Variants in BCHE observed in about 807,000 individuals in gnomAD.
The protein encoded by BCHE is cholinesterase.
Under a neutral mutation model 51.3 loss-of-function variants are expected in BCHE, and 48 were observed. That is an observed-to-expected ratio of 0.94 (90% CI 0.74 to 1.19). The LOEUF is 1.19. Ranked by LOEUF, BCHE falls within the 50% of genes most tolerant of loss-of-function variation. The pLI is 0.00. For synonymous variants in BCHE, 251 were observed against 238.0 expected, an observed-to-expected ratio of 1.05 and a Z score of -0.50; for missense variants, 847 against 708.2, an observed-to-expected ratio of 1.20 and a Z score of -2.23.
intron 2 of BCHE, among the ~76,000 whole-genome samples, chr3:165,820,675 C>A (rs1714482852): frequency 6.6e-6 from 1 of 151,930 alleles, no homozygotes; most frequent in African/African-American, 2.4e-5. Context: ...GAACTATTAT[C>A]TGTCGGAAAA....
chr3:165,791,646 T>G (rs1713169820), intron 2 of BCHE, among the ~76,000 whole-genome samples: 1 of 152,094 alleles, frequency 6.6e-6, no homozygotes, highest in Non-Finnish European at 1.5e-5. Flanking sequence ...AAGAGCACGT[T>G]TGGAATGCAA....
intron 2 of BCHE, among the ~76,000 whole-genome samples, chr3:165,813,441 T>C (rs1198022636): frequency 6.6e-6 from 1 of 151,714 alleles, no homozygotes; most frequent in Non-Finnish European, 1.5e-5. Flanking sequence ...TATGTGTCTA[T>C]ATCTAAAGTA....
At chr3:165,825,530 T>C (rs1198112456) in intron 2 of BCHE, among the ~76,000 whole-genome samples, 1 of 152,118 alleles carries the variant, frequency 6.6e-6, no homozygotes, top group African/African-American at 2.4e-5. Context: ...GGAGAAAATA[T>C]TGAAAATACA....
intron 3 of BCHE, among the ~76,000 whole-genome samples, chr3:165,783,207 A>G (rs558681947): frequency 3.5e-4 from 53 of 152,260 alleles, no homozygotes; most frequent in African/African-American, 1.3e-3. Flanking sequence ...TAAACTTATC[A>G]TGGAATGCAT....
intron 3 of BCHE, among the ~76,000 whole-genome samples, chr3:165,779,773 A>T (rs1487292840): frequency 6.6e-6 from 1 of 152,228 alleles, no homozygotes; most frequent in Non-Finnish European, 1.5e-5. Context: ...GTACATAAAC[A>T]AATGGAAAAA....
chr3:165,817,875 G>A (rs1015790861), intron 2 of BCHE, among the ~76,000 whole-genome samples: 4 of 152,026 alleles, frequency 2.6e-5, no homozygotes, highest in Admixed American at 1.3e-4. Context: ...AAACAGTGAG[G>A]CATGGAGAAC....
In BCHE at chr3:165,806,938, C is replaced by T. The variant is rs532054599; in HGVS notation, c.1518-20627G>A. Among the ~76,000 whole-genome samples, 36 of 151,912 alleles carry T rather than the reference C, an allele frequency of 2.4e-4. 1 individual carries two copies. Among genetic ancestry groups the T allele is most frequent in the African/African-American group, 7.7e-4 (32 of 41,440 alleles). On this transcript the variant is annotated intron_variant, in intron 2 of 3. Transcript: ENST00000264381. ...TAGAAACAATTATAAATCATGACAC[C>T]GTGTCTTTAGGAGGTTATGTTAAAT... is the stretch of plus-strand genomic sequence containing the variant.
chr3:165,791,502 G>A (rs1044319721), intron 2 of BCHE, among the ~76,000 whole-genome samples: 4 of 152,158 alleles, frequency 2.6e-5, no homozygotes, highest in Non-Finnish European at 5.9e-5. Flanking sequence ...GTATTTTGTA[G>A]GTAGAGCCAT....
At chr3:165,801,758 G>C (rs1437335608) in intron 2 of BCHE, among the ~76,000 whole-genome samples, 2 of 152,098 alleles carry the variant, frequency 1.3e-5, no homozygotes, top group Admixed American at 1.3e-4. Flanking sequence ...AAAGTCAAAT[G>C]ACCATTCAGA....
At chr3:165,828,188 T>A (rs1714804107) in intron 2 of BCHE, 1 of 383,858 alleles carries the variant, frequency 2.6e-6, no homozygotes, top group Admixed American at 3.3e-5. Context: ...TGTAGTAGAT[T>A]AAGACCTTAA....
chr3:165,830,376 C>T lies in BCHE; in HGVS notation c.658G>A (p.Val220Ile). The T allele has an allele frequency of 6.2e-7, 1 of 1,613,994 alleles. No homozygotes were observed. Among genetic ancestry groups the T allele is most frequent in the Non-Finnish European group, 8.5e-7 (1 of 1,179,934 alleles). The change falls in exon 2 of 4, where the codon GTA becomes ATA. Residue 220 changes from valine to isoleucine, a missense_variant. Val to Ile is a conservative substitution (Grantham distance 29, BLOSUM62 3). Transcript: ENST00000264381. ...CCTGCACTTTCTCCAAAGAGAGTTACACTTTTAGGATTTCCACCAAAGGCT... is the reference window on the plus strand; with the variant it reads ...CCTGCACTTTCTCCAAAGAGAGTTATACTTTTAGGATTTCCACCAAAGGCT... The part of the protein sequence containing the change: ...IAAFGGNPKS[V>I]TLFGESAGAA...
At chr3:165,812,943 T>G (rs976675309) in intron 2 of BCHE, among the ~76,000 whole-genome samples, 2 of 151,992 alleles carry the variant, frequency 1.3e-5, no homozygotes, top group African/African-American at 4.8e-5. Flanking sequence ...TGTGTCCTCA[T>G]TGAAAGCTAC....
At chr3:165,808,157 G>T (rs187883439) in intron 2 of BCHE, among the ~76,000 whole-genome samples, 14 of 151,868 alleles carry the variant, frequency 9.2e-5, no homozygotes, top group African/African-American at 2.9e-4. Flanking sequence ...CTAATTTTTG[G>T]TATTTTTTTA....
chr3:165,798,223 A>T (rs1435322743), intron 2 of BCHE, among the ~76,000 whole-genome samples: 1 of 152,116 alleles, frequency 6.6e-6, no homozygotes, highest in Non-Finnish European at 1.5e-5. Flanking sequence ...TACTGCATAC[A>T]CTTGAAACTA....
At chr3:165,788,776 G>A (rs899711600) in intron 2 of BCHE, among the ~76,000 whole-genome samples, 2 of 152,124 alleles carry the variant, frequency 1.3e-5, no homozygotes, top group African/African-American at 4.8e-5. Context: ...GCCAGTGAGT[G>A]TTCATTTAAC....
At chr3:165,794,208 C>T (rs1310709719) in intron 2 of BCHE, among the ~76,000 whole-genome samples, 4 of 152,138 alleles carry the variant, frequency 2.6e-5, no homozygotes, top group Non-Finnish European at 4.4e-5. Context: ...TTTAATCACA[C>T]TGGCTCCATT....
At chr3:165,802,892 C>A (rs968137454) in intron 2 of BCHE, among the ~76,000 whole-genome samples, 2 of 152,004 alleles carry the variant, frequency 1.3e-5, no homozygotes, top group East Asian at 3.9e-4. Context: ...CAGGCGCCCA[C>A]CACCAAGCCC....
chr3:165,788,311 C>T (rs955253889), intron 2 of BCHE, among the ~76,000 whole-genome samples: 2 of 151,962 alleles, frequency 1.3e-5, no homozygotes, highest in African/African-American at 4.8e-5. Flanking sequence ...GCTTTAGAGA[C>T]AAACAGTTTC....
intron 2 of BCHE, among the ~76,000 whole-genome samples, chr3:165,800,177 G>T (rs921325083): frequency 1.3e-4 from 20 of 151,882 alleles, no homozygotes; most frequent in Non-Finnish European, 1.9e-4. Context: ...CCCTTTAAAA[G>T]AATTTCAAGT....
Sources: gnomAD v4.1 joint callset for allele counts (sites outside exome capture counted in the v4.1 genomes callset) on GRCh38, gnomAD v4.1.1 for gene constraint, MANE v1.5 for transcripts, NCBI Gene and HGNC (gene_info 2026-07-23, HGNC 2026-07-21) for gene names.